The following TMCO4 variants were observed in gnomAD, a reference collection of about 807,000 sequenced individuals.
The protein encoded by TMCO4 is transmembrane and coiled-coil domain-containing protein 4.
Under a neutral mutation model 64.7 loss-of-function variants are expected in TMCO4, and 58 were observed. That is an observed-to-expected ratio of 0.90 (90% CI 0.73 to 1.12). The LOEUF (loss-of-function observed/expected upper bound fraction) is 1.12, where lower values mean the gene tolerates loss of function less well. Ranked by LOEUF, TMCO4 falls within the 50% of genes most tolerant of loss-of-function variation. The pLI is 0.00. For missense variants in TMCO4, 780 were observed against 825.9 expected, an observed-to-expected ratio of 0.94 and a Z score of 0.68; for synonymous variants, 325 against 346.1, an observed-to-expected ratio of 0.94 and a Z score of 0.68.
chr1:19,790,273 C>T lies in TMCO4; in HGVS notation c.-100-3156G>A, dbSNP rs7524772. ...ATAGGCACAGGCACAGATGTTATGA[C>T]GAAATCACCAAAAGCAATTGCAACA... On this transcript the variant is annotated intron_variant, in intron 2 of 15. Coordinates refer to ENST00000294543, the MANE Select transcript of TMCO4 (RefSeq NM_181719.7). 2.3e-3 allele frequency among the ~76,000 whole-genome samples: 345 copies of T among 152,112 alleles called. 2 individuals carry two copies. Among genetic ancestry groups the T allele is most frequent in the African/African-American group, 7.9e-3 (328 of 41,506 alleles).
At chr1:19,785,152 C>G (rs114230621) in intron 3 of TMCO4, among the ~76,000 whole-genome samples, 3,335 of 152,284 alleles carry the variant, frequency 0.022, 112 homozygotes, top group African/African-American at 0.075. Context: ...ACCATCACAT[C>G]ATCTGGCCTC....
At chr1:19,789,500 G>A (rs1041734065) in intron 2 of TMCO4, among the ~76,000 whole-genome samples, 18 of 152,130 alleles carry the variant, frequency 1.2e-4, no homozygotes, top group Non-Finnish European at 2.5e-4. Context: ...ATTGTCTCTT[G>A]GTTGGTGGGG....
At position 19,740,835 on chromosome 1, in the gene TMCO4, G is replaced by T. The variant is rs1413680656; in HGVS notation, c.984C>A (p.Ile328=). The change falls in exon 11 of 16, where the codon ATC becomes ATA. Residue 328 remains isoleucine (I), a synonymous_variant. Transcript: ENST00000294543. ...LMELGNALET[I]LSGLANMVAQ... ...CCACCATGTTGGCGAGACCACTGAGGATGGTCTCCAGGGCATTGCCGAGCT... is the reference window on the plus strand; with the variant it reads ...CCACCATGTTGGCGAGACCACTGAGTATGGTCTCCAGGGCATTGCCGAGCT... The T allele has an allele frequency of 6.2e-7, 1 of 1,614,148 alleles. No homozygotes were observed. Among genetic ancestry groups the T allele is most frequent in the African/African-American group, 1.3e-5 (1 of 75,068 alleles).
intron 12 of TMCO4, 78 bp downstream of exon 12, chr1:19,739,746 G>A: frequency 6.4e-7 from 1 of 1,550,796 alleles, no homozygotes; most frequent in Non-Finnish European, 8.7e-7. Context: ...TTGCCTCTAA[G>A]GCTGATATCT....
chr1:19,741,180 C>T (rs1006540076), intron 10 of TMCO4, among the ~76,000 whole-genome samples: 3 of 152,208 alleles, frequency 2.0e-5, no homozygotes, highest in Admixed American at 2.0e-4. Flanking sequence ...TGACCCTGGG[C>T]ACATCACTAT....
At chr1:19,798,099 G>T (rs1229236166) in intron 2 of TMCO4, 38 bp downstream of exon 2, 1 of 155,218 alleles carries the variant, frequency 6.4e-6, no homozygotes, top group Non-Finnish European at 1.4e-5. Context: ...TGAAGCGGAG[G>T]TCGGCTAAAT....
At chr1:19,786,920 G>C (rs757081311) in intron 3 of TMCO4, 106 bp downstream of exon 3, 8 of 152,082 alleles carry the variant, frequency 5.3e-5, no homozygotes, top group African/African-American at 9.7e-5. Flanking sequence ...CCCTTAATTG[G>C]GAGATTATAT....
intron 4 of TMCO4, among the ~76,000 whole-genome samples, chr1:19,779,808 C>T (rs138341290): frequency 3.3e-4 from 51 of 152,330 alleles, no homozygotes; most frequent in African/African-American, 1.1e-3. Flanking sequence ...ATATCTTATC[C>T]GTTCCTGGAC....
intron 13 of TMCO4, among the ~76,000 whole-genome samples, chr1:19,720,926 A>C (rs1443700512): frequency 1.3e-5 from 2 of 152,122 alleles, no homozygotes; most frequent in African/African-American, 4.8e-5. Flanking sequence ...AGGCTTGATG[A>C]TCAGGGAATC....
At chr1:19,750,117 T>C (rs1191880461) in intron 7 of TMCO4, 1 of 152,226 alleles carries the variant, frequency 6.6e-6, no homozygotes, top group Non-Finnish European at 1.5e-5. Flanking sequence ...TATCACTCTT[T>C]TCATTATTAT....
chr1:19,740,253 C>T (rs2095473236), intron 11 of TMCO4, among the ~76,000 whole-genome samples: 1 of 152,176 alleles, frequency 6.6e-6, no homozygotes, highest in African/African-American at 2.4e-5. Context: ...CCTGCCCTGC[C>T]CATCCCCTCT....
rs189806752 is a variant in TMCO4, at chr1:19,685,243, T to C, written c.1501-1799A>G. ...ATGTAGGCTGGGGTAGGAGGATGGC[T>C]TGAGCCTGGGAGGCTGAGGCTGCAG... On this transcript the variant is annotated intron_variant, in intron 15 of 15. Transcript: ENST00000294543. Among the ~76,000 whole-genome samples, 21 of 152,310 alleles carry C rather than the reference T, an allele frequency of 1.4e-4. No homozygotes were observed. In the East Asian group the frequency reaches 3.3e-3, roughly 24 times the overall value.
At chr1:19,702,700 G>C (rs767675681) in intron 13 of TMCO4, among the ~76,000 whole-genome samples, 4 of 152,204 alleles carry the variant, frequency 2.6e-5, no homozygotes, top group Non-Finnish European at 5.9e-5. Context: ...GGAGTTTGAG[G>C]CCACAGTGAG....
intron 3 of TMCO4, among the ~76,000 whole-genome samples, chr1:19,782,091 C>T (rs774275107): frequency 1.4e-4 from 22 of 152,148 alleles, no homozygotes; most frequent in Non-Finnish European, 2.2e-4. Context: ...ACTTAAGTCA[C>T]GAAAAGACAC....
intron 6 of TMCO4, 67 bp downstream of exon 6, chr1:19,770,475 A>C: frequency 6.3e-7 from 1 of 1,586,734 alleles, no homozygotes; most frequent in African/African-American, 1.3e-5. Flanking sequence ...GGCACCTCTC[A>C]CTGGCTTTGC....
chr1:19,758,550 G>A (rs1288805434), intron 6 of TMCO4, among the ~76,000 whole-genome samples: 7 of 152,148 alleles, frequency 4.6e-5, no homozygotes, highest in Non-Finnish European at 7.4e-5. Flanking sequence ...TCTCAGGCAC[G>A]GGGCTTTTGT....
intron 6 of TMCO4, among the ~76,000 whole-genome samples, chr1:19,768,822 G>A (rs1260742812): frequency 5.7e-5 from 8 of 141,160 alleles, no homozygotes; most frequent in African/African-American, 1.5e-4. Flanking sequence ...GGGTCTGGGC[G>A]GGGGCTGAGA....
intron 14 of TMCO4, 93 bp downstream of exon 14, chr1:19,700,675 G>C: frequency 1.7e-6 from 2 of 1,145,658 alleles, no homozygotes; most frequent in South Asian, 1.4e-5. Flanking sequence ...ACAGGGATTA[G>C]GTCTCAAATA....
chr1:19,718,775 G>A (rs1301830540), intron 13 of TMCO4, among the ~76,000 whole-genome samples: 2 of 152,048 alleles, frequency 1.3e-5, no homozygotes, highest in Non-Finnish European at 2.9e-5. Context: ...GCACACAGTA[G>A]GTGCTCAATA....
Sources: allele counts gnomAD v4.1 joint callset (sites outside exome capture counted in the v4.1 genomes callset), GRCh38; gene constraint gnomAD v4.1.1; transcripts MANE v1.5; gene names NCBI Gene and HGNC (gene_info 2026-07-23, HGNC 2026-07-21).